The following WWOX variants were observed in gnomAD, a reference collection of about 807,000 sequenced individuals.
WWOX encodes WW domain-containing oxidoreductase.
Under a neutral mutation model 46.2 loss-of-function variants are expected in WWOX, and 69 were observed. The ratio of observed to expected loss-of-function variants is 1.49; its 90% CI spans 1.23 to 1.82. WWOX has a LOEUF of 1.82. WWOX is among the 40% of genes most tolerant of loss of function. WWOX has a pLI of 0.00. For synonymous variants in WWOX, 359 were observed against 202.6 expected (o/e 1.77, Z -6.56); for missense variants, 919 against 542.6 (o/e 1.69, Z -6.89).
intron 8 of WWOX, among the ~76,000 whole-genome samples, chr16:78,575,633 C>T (rs544638903): frequency 6.6e-6 from 1 of 152,208 alleles, no homozygotes; most frequent in African/African-American, 2.4e-5. Flanking sequence ...CTACTGTGTG[C>T]CATTAGAGAC....
intron 8 of WWOX, among the ~76,000 whole-genome samples, chr16:78,614,500 C>T (rs983210137): frequency 2.6e-5 from 4 of 152,228 alleles, no homozygotes; most frequent in South Asian, 2.1e-4. Context: ...ACCCTGTTCA[C>T]GGTGTGTGTC....
At chr16:78,915,423 T>C (rs983022249) in intron 8 of WWOX, among the ~76,000 whole-genome samples, 1 of 152,210 alleles carries the variant, frequency 6.6e-6, no homozygotes, top group Non-Finnish European at 1.5e-5. Context: ...AGGGCAATCA[T>C]AAATGTAAAT....
At position 79,119,962 on chromosome 16, in the gene WWOX, C is replaced by G. The variant is rs898336444; in HGVS notation, c.1057-91646C>G. Among the ~76,000 whole-genome samples, 9 of 152,260 alleles carry G rather than the reference C, an allele frequency of 5.9e-5. 1 individual carries two copies. Among genetic ancestry groups the G allele is most frequent in the Admixed American group, 3.9e-4 (6 of 15,298 alleles). Reference sequence around the variant, plus strand: ...AATGGTTCAGGGGCCGTGGAATGGACAAGACTCCACTTTCCTACAGTCCAG... The same window carrying G: ...AATGGTTCAGGGGCCGTGGAATGGAGAAGACTCCACTTTCCTACAGTCCAG... On this transcript the variant is annotated intron_variant, in intron 8 of 8. Transcript: ENST00000566780.
intron 5 of WWOX, among the ~76,000 whole-genome samples, chr16:78,232,142 T>C (rs913894204): frequency 3.9e-5 from 6 of 152,314 alleles, no homozygotes; most frequent in African/African-American, 1.4e-4. Flanking sequence ...AAAATGAATG[T>C]GGTATTTCAC....
chr16:79,088,185 T>C (rs2048888177), intron 8 of WWOX, among the ~76,000 whole-genome samples: 1 of 152,184 alleles, frequency 6.6e-6, no homozygotes, highest in Admixed American at 6.5e-5. Flanking sequence ...CAGCCAGGCT[T>C]GAACTAGCTA....
chr16:78,803,902 C>G (rs574257667), intron 8 of WWOX, among the ~76,000 whole-genome samples: 10 of 152,104 alleles, frequency 6.6e-5, no homozygotes, highest in Non-Finnish European at 1.5e-5. Context: ...CATCACCAGA[C>G]AAACAGGTGT....
intron 8 of WWOX, among the ~76,000 whole-genome samples, chr16:78,714,256 G>T (rs2048512608): frequency 6.6e-6 from 1 of 152,176 alleles, no homozygotes. Context: ...AAGTTTAACG[G>T]ACTCATAGTT....
intron 8 of WWOX, among the ~76,000 whole-genome samples, chr16:78,893,628 A>G (rs1459264101): frequency 1.3e-5 from 2 of 152,018 alleles, no homozygotes; most frequent in African/African-American, 2.4e-5. Context: ...TATTTCATGT[A>G]TTGTTGTTTT....
intron 8 of WWOX, among the ~76,000 whole-genome samples, chr16:78,717,735 G>C (rs564706263): frequency 6.6e-6 from 1 of 152,164 alleles, no homozygotes; most frequent in Non-Finnish European, 1.5e-5. Context: ...CTTCCTTTGG[G>C]TTGGACTCTG....
intron 5 of WWOX, among the ~76,000 whole-genome samples, chr16:78,383,464 C>A (rs1363886648): frequency 1.3e-5 from 2 of 152,112 alleles, no homozygotes; most frequent in Non-Finnish European, 2.9e-5. Flanking sequence ...GATTCACTGC[C>A]AGACCTGGGA....
chr16:78,531,632 C>T (rs1203452834), intron 8 of WWOX, among the ~76,000 whole-genome samples: 1 of 152,072 alleles, frequency 6.6e-6, no homozygotes, highest in Non-Finnish European at 1.5e-5. Context: ...CACTTGAGGT[C>T]AGGAGTTCGA....
chr16:78,117,643 C>T (rs1211956193), intron 4 of WWOX, among the ~76,000 whole-genome samples: 1 of 152,144 alleles, frequency 6.6e-6, no homozygotes, highest in Non-Finnish European at 1.5e-5. Flanking sequence ...AGATAAAGTC[C>T]TTCTACTAAG....
intron 8 of WWOX, chr16:78,896,218 C>G (rs956474145): frequency 1.3e-5 from 2 of 150,136 alleles, no homozygotes; most frequent in Non-Finnish European, 3.0e-5. Flanking sequence ...TGCACTTACC[C>G]ATTTGAAAAA....
At chr16:78,666,167 G>C (rs891146656) in intron 8 of WWOX, among the ~76,000 whole-genome samples, 3 of 152,074 alleles carry the variant, frequency 2.0e-5, no homozygotes, top group African/African-American at 7.2e-5. Flanking sequence ...TGCCACAGTA[G>C]TCCCAGCTAC....
chr16:78,473,619 T>C (rs1039624487), intron 8 of WWOX, among the ~76,000 whole-genome samples: 4 of 152,108 alleles, frequency 2.6e-5, no homozygotes, highest in African/African-American at 9.7e-5. Context: ...CCTAAGAAAA[T>C]GTGGAAAGAT....
At chr16:78,871,071 A>G (rs147801241) in intron 8 of WWOX, among the ~76,000 whole-genome samples, 17 of 152,346 alleles carry the variant, frequency 1.1e-4, no homozygotes, top group African/African-American at 3.8e-4. Context: ...ATTATCCCCT[A>G]TAGCTCATAG....
intron 8 of WWOX, among the ~76,000 whole-genome samples, chr16:78,763,536 C>G (rs1018237886): frequency 2.0e-5 from 3 of 152,134 alleles, no homozygotes; most frequent in Non-Finnish European, 2.9e-5. Flanking sequence ...GAGTATGAAA[C>G]TCTGTTCCAA....
At chr16:78,392,280 A>G (rs2082192720) in intron 6 of WWOX, among the ~76,000 whole-genome samples, 1 of 152,094 alleles carries the variant, frequency 6.6e-6, no homozygotes, top group African/African-American at 2.4e-5. Context: ...ATTGTGAGCC[A>G]CACATGCAAG....
intron 8 of WWOX, among the ~76,000 whole-genome samples, chr16:79,140,927 A>G (rs1432437181): frequency 6.6e-6 from 1 of 152,188 alleles, no homozygotes; most frequent in African/African-American, 2.4e-5. Context: ...GGGATTTGAA[A>G]TAGAGATGGT....
Sources: allele counts gnomAD v4.1 joint callset (sites outside exome capture counted in the v4.1 genomes callset), GRCh38; gene constraint gnomAD v4.1.1; transcripts MANE v1.5; gene names NCBI Gene and HGNC (gene_info 2026-07-23, HGNC 2026-07-21).